The following APAF1 variants were observed in gnomAD, a reference collection of about 807,000 sequenced individuals.
APAF1 encodes the protein apoptotic protease-activating factor 1.
A neutral mutation model predicts 152.4 loss-of-function variants in APAF1; 91 were observed. The observed-to-expected ratio is 0.60, with a 90% CI of 0.50 to 0.71. APAF1 has a LOEUF of 0.71. Ranked by LOEUF, APAF1 falls within the 30% of genes least tolerant of loss-of-function variation. The pLI is 0.00. For missense variants in APAF1, 1,283 were observed against 1,472.0 expected (o/e 0.87, Z 2.10); for synonymous variants, 484 against 494.1 (o/e 0.98, Z 0.27).
At chr12:98,686,576 C>T (rs1369271655) in intron 15 of APAF1, among the ~76,000 whole-genome samples, 172 bp from the exon 16 acceptor site, 5 of 152,158 alleles carry the variant, frequency 3.3e-5, no homozygotes, top group African/African-American at 1.2e-4. Flanking sequence ...TGCCCCATTG[C>T]TTGTTAATCA....
chr12:98,682,233 T>A (rs1419998379), intron 14 of APAF1, among the ~76,000 whole-genome samples: 5 of 152,068 alleles, frequency 3.3e-5, no homozygotes, highest in African/African-American at 4.8e-5. Context: ...TTTTGTATTT[T>A]TAGTAGAGAC....
At chr12:98,695,353 G>A (rs941911442) in intron 16 of APAF1, among the ~76,000 whole-genome samples, 1 of 140,186 alleles carries the variant, frequency 7.1e-6, no homozygotes, top group African/African-American at 2.7e-5. Context: ...GCCCAATGCC[G>A]CCCCCCCCCT....
chr12:98,649,013 A>G, intron 3 of APAF1, 198 bp downstream of exon 3: 1 of 737,308 alleles, frequency 1.4e-6, no homozygotes, highest in Non-Finnish European at 2.3e-6. Flanking sequence ...TGCCCAGTGA[A>G]CTGTACTGCT....
In APAF1 at chr12:98,664,686, AC is replaced by A. The variant is rs150753355; in HGVS notation, c.956-865del. On this transcript the variant is annotated intron_variant, in intron 7 of 26. Coordinates refer to ENST00000551964, the MANE Select transcript of APAF1 (RefSeq NM_181861.2). ...ATAGCTGGGACTGCAGATACCCACC[AC>A]CACACCTGGGTAATTTTTAAATTTT... Among the ~76,000 whole-genome samples the A allele has an allele frequency of 5.8e-3, 876 of 152,102 alleles. 10 individuals are homozygous for A. The highest frequency in any genetic ancestry group is 0.02 in the African/African-American group (842 of 41,486).
intron 4 of APAF1, among the ~76,000 whole-genome samples, chr12:98,651,939 G>A (rs747341698): frequency 2.6e-5 from 4 of 152,058 alleles, no homozygotes; most frequent in Admixed American, 6.6e-5. Flanking sequence ...CTCAGCCTCC[G>A]GAGTAGCTGG....
At position 98,708,488 on chromosome 12, in the gene APAF1, C is replaced by G. The variant is rs2097724257; in HGVS notation, c.2722-97C>G. ...TCTAATATTGAAACCTTTCTAGCAT[C>G]ATAGGTATTTTATGTGAAACATAGT... is the stretch of plus-strand genomic sequence containing the variant. On this transcript the variant is annotated intron_variant, in intron 19 of 26. Transcript: ENST00000551964. The G allele has an allele frequency of 3.2e-6, 4 of 1,239,748 alleles. No individual in the cohort carries two copies. In the South Asian group the frequency reaches 5.1e-5, roughly 16 times the overall value. 76.8% of individuals were successfully genotyped at this position (1,239,748 alleles called of 1,614,324 possible). A position where few individuals can be genotyped will look rare whatever the true frequency, so the allele number is the denominator to read the frequency against.
intron 15 of APAF1, among the ~76,000 whole-genome samples, chr12:98,686,269 T>C (rs1471374585): frequency 6.6e-6 from 1 of 152,204 alleles, no homozygotes; most frequent in African/African-American, 2.4e-5. Context: ...TAGAGCAATT[T>C]AGTCATTTGT....
intron 9 of APAF1, 112 bp downstream of exon 9, chr12:98,666,469 G>A: frequency 9.8e-7 from 1 of 1,016,938 alleles, no homozygotes; most frequent in South Asian, 1.5e-5. Context: ...CCTTCACCTA[G>A]CTTCCCCTAA....
At chr12:98,685,897 A>T (rs1041464990) in intron 15 of APAF1, among the ~76,000 whole-genome samples, 2 of 152,198 alleles carry the variant, frequency 1.3e-5, no homozygotes, top group African/African-American at 4.8e-5. Flanking sequence ...TCAGCCTCCC[A>T]AAGTGCTGGG....
chr12:98,713,900 AT>A (rs2097730957), intron 21 of APAF1, among the ~76,000 whole-genome samples: 1 of 152,174 alleles, frequency 6.6e-6, no homozygotes, highest in Admixed American at 6.5e-5. Context: ...CAATACTCTT[AT>A]ATATTTGTCA....
chr12:98,719,038 T>C (rs985602516), intron 22 of APAF1, among the ~76,000 whole-genome samples: 2 of 152,202 alleles, frequency 1.3e-5, no homozygotes, highest in East Asian at 3.9e-4. Flanking sequence ...CTCGTTCTAC[T>C]CCATTGGATT....
intron 18 of APAF1, among the ~76,000 whole-genome samples, chr12:98,706,061 C>A (rs2097721056): frequency 6.6e-6 from 1 of 152,146 alleles, no homozygotes; most frequent in Non-Finnish European, 1.5e-5. Flanking sequence ...TATATCCATA[C>A]CTGTATCCTT....
chr12:98,700,078 A>G (rs998543072), intron 17 of APAF1, among the ~76,000 whole-genome samples: 1 of 152,238 alleles, frequency 6.6e-6, no homozygotes, highest in Non-Finnish European at 1.5e-5. Flanking sequence ...AATGAGGAAA[A>G]TATGAAAAAA....
chr12:98,670,615 A>G (rs1054129421), intron 10 of APAF1, among the ~76,000 whole-genome samples: 1 of 151,992 alleles, frequency 6.6e-6, no homozygotes, highest in Non-Finnish European at 1.5e-5. Flanking sequence ...AGTTAAATAC[A>G]CTTTTATATA....
At chr12:98,650,739 G>C (rs1365887119) in intron 4 of APAF1, among the ~76,000 whole-genome samples, 1 of 152,114 alleles carries the variant, frequency 6.6e-6, no homozygotes, top group African/African-American at 2.4e-5. Context: ...TCATTACAGA[G>C]AAGTTTCCTG....
chr12:98,654,816 C>CTTTTTTTTTTTTTTTTTTT (rs758991431), intron 4 of APAF1, among the ~76,000 whole-genome samples: 6 of 116,788 alleles, frequency 5.1e-5, no homozygotes, highest in Non-Finnish European at 6.9e-5. Flanking sequence ...GTAGTATTTT[C>CTTTTTTTTTTTTTTTTTTT]TTTTTTTTTT....
chr12:98,724,312 C>T (rs560358634), intron 24 of APAF1, among the ~76,000 whole-genome samples: 71 of 152,234 alleles, frequency 4.7e-4, no homozygotes, highest in African/African-American at 1.7e-3. Context: ...CCCTGAAGAG[C>T]ATGCTTTCCT....
intron 12 of APAF1, 93 bp downstream of exon 12, chr12:98,671,812 A>G: frequency 8.0e-7 from 1 of 1,255,678 alleles, no homozygotes; most frequent in Non-Finnish European, 1.2e-6. Context: ...GGAGGATTTA[A>G]CTACTTTCGA....
At chr12:98,651,796 T>A (rs1367825741) in intron 4 of APAF1, among the ~76,000 whole-genome samples, 1 of 151,784 alleles carries the variant, frequency 6.6e-6, no homozygotes, top group African/African-American at 2.4e-5. Context: ...AGGAGCTGGG[T>A]GCACACGCCA....
Sources: gnomAD v4.1 joint callset for allele counts (sites outside exome capture counted in the v4.1 genomes callset) on GRCh38, gnomAD v4.1.1 for gene constraint, MANE v1.5 for transcripts, NCBI Gene and HGNC (gene_info 2026-07-23, HGNC 2026-07-21) for gene names.